Variants in ASPA observed in about 807,000 individuals in gnomAD.
The protein encoded by ASPA is ACY-2.
Under a neutral mutation model 29.6 loss-of-function variants are expected in ASPA, and 25 were observed. The ratio of observed to expected loss-of-function variants is 0.85; its 90% CI spans 0.62 to 1.18. The LOEUF is 1.18. Ranked by LOEUF, ASPA falls within the 50% of genes most tolerant of loss-of-function variation. The pLI is 0.00. For missense variants in ASPA, 333 were observed against 385.7 expected (o/e 0.86, Z 1.14); for synonymous variants, 131 against 130.3 (o/e 1.01, Z -0.04).
chr17:3,482,806 A>G (rs1334346229), intron 2 of ASPA, among the ~76,000 whole-genome samples: 2 of 143,114 alleles, frequency 1.4e-5, no homozygotes, highest in African/African-American at 4.9e-5. Flanking sequence ...TATTACTATT[A>G]TACTTTAAGT....
intron 3 of ASPA, among the ~76,000 whole-genome samples, chr17:3,484,121 G>C (rs2073680150): frequency 6.6e-6 from 1 of 152,144 alleles, no homozygotes; most frequent in Non-Finnish European, 1.5e-5. Context: ...TTGCTGTAAT[G>C]CTTGGCCCTT....
chr17:3,490,562 C>G lies in ASPA; in HGVS notation c.634+1220C>G, dbSNP rs979732745. Among the ~76,000 whole-genome samples, 1 of 152,110 alleles carries G rather than the reference C, an allele frequency of 6.6e-6. No individual in the cohort carries two copies. Among genetic ancestry groups the G allele is most frequent in the African/African-American group, 2.4e-5 (1 of 41,416 alleles). ...GTGCGCACCCCACTGCAATCACAGA[C>G]ATTCGTTTTGTGCTTGGGAATCCTT... On this transcript the variant is annotated intron_variant, in intron 4 of 5. Transcript: ENST00000263080. The surrounding 1 kb of genome is among the most constrained non-coding windows in gnomAD (Gnocchi z 4.6).
rs1301319713 is a variant in ASPA, at chr17:3,502,243, C to A, written c.*3155C>A. 1 of 152,164 alleles carries A rather than the reference C, an allele frequency of 6.6e-6. No individual in the cohort carries two copies. The allele number at this position is 152,164 out of a possible 1,614,324, so 9.4% of individuals were successfully genotyped here. A position where few individuals can be genotyped will look rare whatever the true frequency, so the allele number is the denominator to read the frequency against. The stretch of plus-strand genomic sequence containing the variant: ...AAAGCATTTTTAATGAAGGAATGTA[C>A]ATGTTTTAGATATAATGCTATTACA... On this transcript the variant is annotated 3_prime_UTR_variant, in exon 6 of 6. Coordinates refer to ENST00000263080, the MANE Select transcript of ASPA (RefSeq NM_000049.4).
intron 5 of ASPA, among the ~76,000 whole-genome samples, chr17:3,497,218 G>T (rs1337875633): frequency 1.3e-5 from 2 of 152,142 alleles, no homozygotes; most frequent in African/African-American, 4.8e-5. Flanking sequence ...ATCTCCACAG[G>T]TGGGGCTAGC....
Position 3,500,736 on chromosome 17 carries a change from C to T in ASPA, c.*1648C>T, listed in dbSNP as rs2073979996. 1 of 151,692 alleles carries T rather than the reference C, an allele frequency of 6.6e-6. No homozygotes were observed. Among genetic ancestry groups the T allele is most frequent in the South Asian group, 2.1e-4 (1 of 4,810 alleles). 9.4% of individuals were successfully genotyped at this position (151,692 alleles called of 1,614,324 possible). ...AGCCAGGATGGTCTCGATCTCCTGACCTCATGATCCGCCTGCCTCGGCCTC... is the reference window on the plus strand; with the variant it reads ...AGCCAGGATGGTCTCGATCTCCTGATCTCATGATCCGCCTGCCTCGGCCTC... On this transcript the variant is annotated 3_prime_UTR_variant, in exon 6 of 6. Transcript: ENST00000263080.
At chr17:3,497,700 C>T (rs922121594) in intron 5 of ASPA, among the ~76,000 whole-genome samples, 1 of 152,092 alleles carries the variant, frequency 6.6e-6, no homozygotes, top group African/African-American at 2.4e-5. Context: ...ACACTAATGT[C>T]GTGCACGTGA....
intron 3 of ASPA, among the ~76,000 whole-genome samples, chr17:3,486,004 C>T (rs2073714454): frequency 1.3e-5 from 2 of 151,076 alleles, no homozygotes; most frequent in African/African-American, 4.9e-5. Flanking sequence ...ACAATCTCGG[C>T]TCACTGCAAC....
chr17:3,486,413 C>CCT (rs1208233895), intron 3 of ASPA, among the ~76,000 whole-genome samples: 1 of 152,154 alleles, frequency 6.6e-6, no homozygotes. Flanking sequence ...CATGAAGAAT[C>CCT]CTCTCTCCAC....
chr17:3,498,490 G>A (rs183413952), intron 5 of ASPA, among the ~76,000 whole-genome samples: 2 of 152,132 alleles, frequency 1.3e-5, no homozygotes, highest in African/African-American at 4.8e-5. Context: ...TGGGACTACA[G>A]GCATGCACCA....
rs986397218 is a variant in ASPA, at chr17:3,490,351, T to A, written c.634+1009T>A. On this transcript the variant is annotated intron_variant, in intron 4 of 5. Transcript: ENST00000263080. This position sits in a 1 kb window ranked among gnomAD's most constrained non-coding sequence, Gnocchi z 4.6. ...GTAAATCTAAAACTGCACTAAAAAG[T>A]CTATTAGTTATAAAAAAAGTTTACT... is the stretch of plus-strand genomic sequence containing the variant. 6.6e-6 allele frequency among the ~76,000 whole-genome samples: 1 copy of A among 152,328 alleles called. No individual in the cohort carries two copies. Among genetic ancestry groups the A allele is most frequent in the Middle Eastern group, 3.4e-3 (1 of 294 alleles).
intron 1 of ASPA, among the ~76,000 whole-genome samples, chr17:3,480,491 G>A (rs2073609039): frequency 6.6e-6 from 1 of 152,172 alleles, no homozygotes; most frequent in South Asian, 2.1e-4. Context: ...CACGAGACCA[G>A]ATAAGCCAGT....
chr17:3,478,079 G>T (rs942343517), intron 1 of ASPA, among the ~76,000 whole-genome samples: 6 of 151,926 alleles, frequency 3.9e-5, no homozygotes, highest in African/African-American at 1.2e-4. Context: ...CAGCTATTCG[G>T]GAGACTGAGG....
intron 2 of ASPA, among the ~76,000 whole-genome samples, chr17:3,482,010 A>T (rs1012208986): frequency 8.5e-5 from 13 of 152,144 alleles, no homozygotes; most frequent in Non-Finnish European, 1.8e-4. Context: ...AAATAAGTAA[A>T]ATAATAAACA....
chr17:3,494,873 C>T (rs1310447561), intron 5 of ASPA, among the ~76,000 whole-genome samples: 3 of 152,110 alleles, frequency 2.0e-5, no homozygotes, highest in Non-Finnish European at 2.9e-5. Context: ...AATACAGGGA[C>T]GGAAGTTAGA....
Position 3,476,285 on chromosome 17 carries a change from G to C in ASPA, c.126G>C (p.Gln42His). The C allele has an allele frequency of 6.2e-7, 1 of 1,614,210 alleles. No homozygotes were observed. The highest frequency in any genetic ancestry group is 8.5e-7 in the Non-Finnish European group (1 of 1,180,036). ...KHWLENGAEI[Q>H]RTGLEVKPFI... The stretch of plus-strand genomic sequence containing the variant: ...GGCTAGAGAATGGCGCTGAGATTCA[G>C]AGAACAGGGCTGGAGGTAAAACCAT... The change falls in exon 1 of 6, where the codon CAG (glutamine) becomes CAC (histidine). Residue 42 changes from glutamine (Q) to histidine (H), a missense_variant. Transcript: ENST00000263080.
At position 3,499,265 on chromosome 17, in the gene ASPA, T is replaced by C. The variant is rs2073962196; in HGVS notation, c.*177T>C. On this transcript the variant is annotated 3_prime_UTR_variant, in exon 6 of 6. Transcript: ENST00000263080. ...AATTAATATATCTTTAAAGATATCA[T>C]ATTTTATGTATGTAGCTTATTCAAA... 1.8e-6 allele frequency: 1 copy of C among 545,226 alleles called. No homozygotes were observed. The highest frequency in any genetic ancestry group is 3.1e-6 in the Non-Finnish European group (1 of 318,768). 33.8% of individuals were successfully genotyped at this position (545,226 alleles called of 1,614,324 possible).
chr17:3,482,537 AC>A (rs2073648883), intron 2 of ASPA, among the ~76,000 whole-genome samples: 1 of 150,984 alleles, frequency 6.6e-6, no homozygotes, highest in South Asian at 2.1e-4. Flanking sequence ...TCCTTCACTA[AC>A]CTTAGACAAA....
At chr17:3,476,490 T>C (rs2073525666) in intron 1 of ASPA, 95 bp downstream of exon 1, 1 of 1,151,706 alleles carries the variant, frequency 8.7e-7, no homozygotes, top group African/African-American at 1.5e-5. Flanking sequence ...CAGATGATAA[T>C]TCATGTCCGT....
rs1388281070 is a variant in ASPA at position 3,494,338 on chromosome 17, T to C, written c.635-12T>C. The C allele has an allele frequency of 1.3e-6, 2 of 1,581,926 alleles. No individual in the cohort carries two copies. Among genetic ancestry groups the C allele is most frequent in the South Asian group, 1.1e-5 (1 of 90,478 alleles). On this transcript the variant is annotated splice_polypyrimidine_tract_variant and intron_variant, in intron 4 of 5. Transcript: ENST00000263080. ...TTTTAGTTGCCATTGATACATATTG[T>C]TTTTGTCATAGGAAAAGAATTTCCT...
Sources: allele counts gnomAD v4.1 joint callset (sites outside exome capture counted in the v4.1 genomes callset), GRCh38; gene constraint gnomAD v4.1.1; non-coding constraint Gnocchi (gnomAD v3.1); transcripts MANE v1.5; gene names NCBI Gene and HGNC (gene_info 2026-07-23, HGNC 2026-07-21).